Variants in TAFA5 observed in about 807,000 individuals in gnomAD.
TAFA5 encodes TAFA chemokine like family member 5.
In TAFA5, 6 loss-of-function variants were observed where a neutral mutation model predicts 15.3. The observed-to-expected ratio is 0.39, with a 90% CI of 0.21 to 0.77. The LOEUF (loss-of-function observed/expected upper bound fraction) is 0.77. TAFA5 is among the 30% of genes least tolerant of loss of function. The probability of loss-of-function intolerance (pLI) is 0.41; values close to 1 mark genes in which losing one functional copy is unlikely to be tolerated. For missense variants in TAFA5, 161 were observed against 193.1 expected, an observed-to-expected ratio of 0.83 and a Z score of 0.98; for synonymous variants, 103 against 80.7, an observed-to-expected ratio of 1.28 and a Z score of -1.48.
chr22:48,667,285 C>A (rs1927650112), intron 2 of TAFA5, among the ~76,000 whole-genome samples: 1 of 151,950 alleles, frequency 6.6e-6, no homozygotes, highest in East Asian at 1.9e-4. Flanking sequence ...TTGGGTACCA[C>A]CTAACGGTGT....
chr22:48,584,313 ACAC>A (rs1924241005), intron 1 of TAFA5, among the ~76,000 whole-genome samples: 1 of 148,356 alleles, frequency 6.7e-6, no homozygotes, highest in South Asian at 2.2e-4. Context: ...GACCACACAC[ACAC>A]AAAATACACC....
chr22:48,491,770 C>A (rs2147090607), intron 1 of TAFA5, among the ~76,000 whole-genome samples: 1 of 152,324 alleles, frequency 6.6e-6, no homozygotes, highest in African/African-American at 2.4e-5. Context: ...GTCCTGGTGT[C>A]CCAGCACAGA....
intron 1 of TAFA5, among the ~76,000 whole-genome samples, chr22:48,623,624 T>G (rs539084247): frequency 6.6e-6 from 1 of 152,200 alleles, no homozygotes; most frequent in Non-Finnish European, 1.5e-5. Flanking sequence ...GCATCTTTCT[T>G]GGAAAGCCTG....
intron 1 of TAFA5, among the ~76,000 whole-genome samples, chr22:48,574,373 C>T (rs961339795): frequency 6.6e-6 from 1 of 152,184 alleles, no homozygotes; most frequent in Non-Finnish European, 1.5e-5. Flanking sequence ...GCACCGCGAG[C>T]CAGGTCAGGC....
At chr22:48,667,685 C>T (rs551294918) in intron 2 of TAFA5, among the ~76,000 whole-genome samples, 4 of 152,312 alleles carry the variant, frequency 2.6e-5, no homozygotes, top group African/African-American at 9.6e-5. Flanking sequence ...GGCTTCTGGC[C>T]ACCAGGGCCA....
intron 2 of TAFA5, among the ~76,000 whole-genome samples, chr22:48,699,430 G>T (rs944128917): frequency 6.6e-6 from 1 of 152,052 alleles, no homozygotes; most frequent in Non-Finnish European, 1.5e-5. Flanking sequence ...TGCAGCACGC[G>T]TTTTGCAGGG....
intron 1 of TAFA5, among the ~76,000 whole-genome samples, chr22:48,536,521 A>G (rs1334744493): frequency 6.6e-6 from 1 of 152,238 alleles, no homozygotes; most frequent in African/African-American, 2.4e-5. Context: ...ACGAGTTGTC[A>G]GGAATTCATG....
chr22:48,578,230 A>T (rs1923890979), intron 1 of TAFA5, among the ~76,000 whole-genome samples: 1 of 152,180 alleles, frequency 6.6e-6, no homozygotes, highest in Non-Finnish European at 1.5e-5. Context: ...ACACTCTGTG[A>T]TGAAGTGAAG....
intron 1 of TAFA5, among the ~76,000 whole-genome samples, chr22:48,609,937 C>G (rs1205298498): frequency 6.6e-6 from 1 of 152,208 alleles, no homozygotes; most frequent in Non-Finnish European, 1.5e-5. Context: ...GGTCACCAGT[C>G]ATATTGGATT....
At chr22:48,589,114 C>T (rs764210123) in intron 1 of TAFA5, among the ~76,000 whole-genome samples, 1 of 152,238 alleles carries the variant, frequency 6.6e-6, no homozygotes, top group South Asian at 2.1e-4. Context: ...AATGCCTGCA[C>T]AGTGACAACT....
intron 1 of TAFA5, among the ~76,000 whole-genome samples, chr22:48,549,419 A>T (rs1309444276): frequency 6.6e-6 from 1 of 152,228 alleles, no homozygotes; most frequent in East Asian, 1.9e-4. Flanking sequence ...CTAGTACTGG[A>T]TCCGTGCTCT....
At chr22:48,602,486 G>A (rs1464942682) in intron 1 of TAFA5, among the ~76,000 whole-genome samples, 1 of 152,300 alleles carries the variant, frequency 6.6e-6, no homozygotes, top group East Asian at 1.9e-4. Flanking sequence ...CGTGGAGGTG[G>A]GTCCATCAGC....
chr22:48,692,461 G>A (rs746608593), intron 2 of TAFA5, among the ~76,000 whole-genome samples: 20 of 152,076 alleles, frequency 1.3e-4, no homozygotes, highest in South Asian at 2.1e-4. Context: ...ACTGAGTCTC[G>A]CCGTGTTGCC....
At chr22:48,534,622 C>T (rs1922087333) in intron 1 of TAFA5, among the ~76,000 whole-genome samples, 1 of 152,200 alleles carries the variant, frequency 6.6e-6, no homozygotes, top group African/African-American at 2.4e-5. Context: ...TCCAGCTTCA[C>T]TTCCGGGAAT....
chr22:48,749,395 A>G (rs1930418294), intron 3 of TAFA5, among the ~76,000 whole-genome samples: 1 of 152,290 alleles, frequency 6.6e-6, no homozygotes, highest in African/African-American at 2.4e-5. Context: ...GGGTGCGGCC[A>G]GGTCCCCCAG....
chr22:48,707,905 C>G, intron 3 of TAFA5, 61 bp downstream of exon 3: 1 of 1,564,450 alleles, frequency 6.4e-7, no homozygotes, highest in Non-Finnish European at 8.7e-7. Context: ...GTGCGGGCCT[C>G]CGACGCCACC....
At chr22:48,581,836 A>T (rs1040751581) in intron 1 of TAFA5, among the ~76,000 whole-genome samples, 2 of 152,166 alleles carry the variant, frequency 1.3e-5, no homozygotes, top group African/African-American at 2.4e-5. Context: ...GGAGCAGCGC[A>T]CGCAGGCAGT....
chr22:48,610,868 G>C (rs1020685923), intron 1 of TAFA5, among the ~76,000 whole-genome samples: 10 of 152,046 alleles, frequency 6.6e-5, no homozygotes, highest in African/African-American at 2.4e-4. Flanking sequence ...GACACGAGAG[G>C]CATCGGGGAT....
chr22:48,640,029 G>T (rs556376981), intron 1 of TAFA5, among the ~76,000 whole-genome samples: 1 of 152,230 alleles, frequency 6.6e-6, no homozygotes, highest in African/African-American at 2.4e-5. Flanking sequence ...GATGGTGCTA[G>T]CCTGGGTGGG....
Sources: allele counts gnomAD v4.1 joint callset (sites outside exome capture counted in the v4.1 genomes callset), GRCh38; gene constraint gnomAD v4.1.1; transcripts MANE v1.5; gene names NCBI Gene and HGNC (gene_info 2026-07-23, HGNC 2026-07-21).